The following NFATC2 variants were observed in gnomAD, a reference collection of about 807,000 sequenced individuals.
The protein encoded by NFATC2 is nuclear factor of activated T-cells, cytoplasmic 2.
A neutral mutation model predicts 87.3 loss-of-function variants in NFATC2; 22 were observed. The ratio of observed to expected loss-of-function variants is 0.25; its 90% confidence interval spans 0.18 to 0.36. NFATC2 has a LOEUF of 0.36. Among genes scored for constraint, NFATC2 ranks in the 10% least tolerant of loss-of-function variants. The pLI, the probability that NFATC2 is intolerant of heterozygous loss-of-function variation, is 1.00. For synonymous variants in NFATC2, 565 were observed against 542.2 expected (o/e 1.04, Z -0.58); for missense variants, 1,149 against 1,259.1 (o/e 0.91, Z 1.32).
intron 9 of NFATC2, among the ~76,000 whole-genome samples, chr20:51,408,252 G>A (rs911281070): frequency 1.9e-4 from 29 of 152,256 alleles, no homozygotes; most frequent in South Asian, 1.2e-3. Flanking sequence ...GGTGGCTCAC[G>A]CCTGTAATCC....
chr20:51,522,257 A>G (rs1226940255), intron 2 of NFATC2, among the ~76,000 whole-genome samples: 1 of 136,952 alleles, frequency 7.3e-6, no homozygotes, highest in Non-Finnish European at 1.6e-5. Flanking sequence ...AACCAAGACC[A>G]CAAAGGTGCT....
At chr20:51,462,723 T>C (rs755598313) in intron 5 of NFATC2, among the ~76,000 whole-genome samples, 3 of 152,166 alleles carry the variant, frequency 2.0e-5, no homozygotes, top group Non-Finnish European at 4.4e-5. Flanking sequence ...GCGTGGCATC[T>C]CATCAGGACT....
chr20:51,503,360 T>C (rs2076122466), intron 3 of NFATC2, among the ~76,000 whole-genome samples: 1 of 152,162 alleles, frequency 6.6e-6, no homozygotes, highest in Non-Finnish European at 1.5e-5. Context: ...AGTAACATTC[T>C]CTCCAATTTG....
chr20:51,496,999 A>T (rs1028883612), intron 3 of NFATC2, among the ~76,000 whole-genome samples: 1 of 152,194 alleles, frequency 6.6e-6, no homozygotes, highest in Non-Finnish European at 1.5e-5. Context: ...AATCCACTCC[A>T]TTCTCCGCAG....
chr20:51,494,169 G>A (rs558182175), intron 3 of NFATC2, among the ~76,000 whole-genome samples: 1 of 151,890 alleles, frequency 6.6e-6, no homozygotes, highest in South Asian at 2.1e-4. Flanking sequence ...TTTTGAATGT[G>A]GACATGAGGA....
chr20:51,504,999 CTTTTTTTTTTTTTTT>C (rs34489487), intron 3 of NFATC2, among the ~76,000 whole-genome samples: 22 of 72,482 alleles, frequency 3.0e-4, no homozygotes, highest in East Asian at 1.1e-3. Flanking sequence ...TATCTAGTTC[CTTTTTTTTTTTTTTT>C]TTTTTTTTTT....
Position 51,516,940 on chromosome 20 carries a change from T to A in NFATC2, c.1176A>T (p.Ala392=). 1 of 1,611,626 alleles carries A rather than the reference T, an allele frequency of 6.2e-7. No individual in the cohort carries two copies. The stretch of plus-strand genomic sequence containing the variant: ...GCGGCCACTCAAGTGGAGGGAGGGA[T>A]GCAGTCACTGGGATGCTAAAGGAGA... ...AIPICSIPVT[A]SLPPLEWPLS... is the part of the protein sequence containing the mutation. Residue 392 remains alanine, a synonymous_variant, in exon 3 of 11, where the codon GCA becomes GCT. Coordinates refer to ENST00000371564, the MANE Select transcript of NFATC2 (RefSeq NM_012340.5).
chr20:51,513,927 A>G (rs2076311201), intron 3 of NFATC2, among the ~76,000 whole-genome samples: 1 of 152,236 alleles, frequency 6.6e-6, no homozygotes, highest in African/African-American at 2.4e-5. Context: ...AGAGACGTGG[A>G]TGATCAGATC....
chr20:51,504,999 CTTTTTTTTTTTTT>C (rs34489487), intron 3 of NFATC2, among the ~76,000 whole-genome samples: 24 of 72,504 alleles, frequency 3.3e-4, no homozygotes, highest in Admixed American at 5.9e-4. Context: ...TATCTAGTTC[CTTTTTTTTTTTTT>C]TTTTTTTTTT....
At position 51,436,554 on chromosome 20, in the gene NFATC2, A is replaced by C. The variant is rs189820754; in HGVS notation, c.1850-793T>G. On this transcript the variant is annotated intron_variant, in intron 6 of 10. Coordinates refer to ENST00000371564, the MANE Select transcript of NFATC2 (RefSeq NM_012340.5). ...TGAAACCCCGTCTCTACTAAAAATA[A>C]AAATACAAAAATTAGCCAGGTGTGG... Among the ~76,000 whole-genome samples the C allele has an allele frequency of 4.9e-3, 744 of 152,134 alleles. 5 individuals are homozygous for C. The highest frequency in any genetic ancestry group is 0.017 in the African/African-American group (707 of 41,508).
chr20:51,512,873 A>C (rs985075838), intron 3 of NFATC2, among the ~76,000 whole-genome samples: 7 of 152,198 alleles, frequency 4.6e-5, no homozygotes, highest in South Asian at 2.1e-4. Flanking sequence ...CGGCGGAAGC[A>C]TTCAGGCAAG....
intron 9 of NFATC2, among the ~76,000 whole-genome samples, chr20:51,406,889 C>T (rs1306781764): frequency 6.6e-6 from 1 of 152,196 alleles, no homozygotes. Context: ...TTGCTGGCCG[C>T]CTCGTCGGAA....
intron 9 of NFATC2, among the ~76,000 whole-genome samples, chr20:51,407,730 G>A (rs1029947076): frequency 2.6e-5 from 4 of 152,216 alleles, no homozygotes; most frequent in Non-Finnish European, 2.9e-5. Flanking sequence ...CCTGGCATTT[G>A]GAAGGCTTAT....
chr20:51,497,131 G>A (rs1055380006), intron 3 of NFATC2, among the ~76,000 whole-genome samples: 1 of 152,166 alleles, frequency 6.6e-6, no homozygotes, highest in African/African-American at 2.4e-5. Context: ...CTAGCACCCA[G>A]GTTACTAACA....
rs776427990 is a variant in NFATC2 at position 51,542,417 on chromosome 20, AGCTCGTCTTGGGGGCTGCCCCCAG to A, written c.59_82del (p.Pro20_Glu27del). ...ATAGTCGAAGAGGATGGAGAAGTCA[AGCTCGTCTTGGGGGCTGCCCCCAG>A]GCTCGTGGCCTGGGGCGTCCCCGCC... On this transcript the variant is annotated inframe_deletion, in exon 1 of 11. Coordinates refer to ENST00000371564, the MANE Select transcript of NFATC2 (RefSeq NM_012340.5). 1 of 1,604,756 alleles carries A rather than the reference AGCTCGTCTTGGGGGCTGCCCCCAG, an allele frequency of 6.2e-7. No homozygotes were observed.
chr20:51,512,383 T>C (rs1301486329), intron 3 of NFATC2, among the ~76,000 whole-genome samples: 1 of 152,012 alleles, frequency 6.6e-6, no homozygotes, highest in African/African-American at 2.4e-5. Flanking sequence ...ACTCAAACCA[T>C]CCTAGTCCAC....
At chr20:51,560,247 T>C (rs775051097) in intron 1 of NFATC2, among the ~76,000 whole-genome samples, 1 of 152,184 alleles carries the variant, frequency 6.6e-6, no homozygotes. Context: ...ATTTTACAGA[T>C]GAGAAAAGTG....
intron 3 of NFATC2, among the ~76,000 whole-genome samples, chr20:51,512,447 C>T (rs1246977596): frequency 1.3e-5 from 2 of 152,142 alleles, no homozygotes; most frequent in South Asian, 4.2e-4. Context: ...ATCTCACCAA[C>T]GTTGTATCAC....
chr20:51,508,314 C>T (rs1414816117), intron 3 of NFATC2, among the ~76,000 whole-genome samples: 2 of 152,132 alleles, frequency 1.3e-5, no homozygotes, highest in Non-Finnish European at 2.9e-5. Context: ...CCCCTCTCTC[C>T]ACCTCTCACC....
Sources: gnomAD v4.1 joint callset for allele counts (sites outside exome capture counted in the v4.1 genomes callset) on GRCh38, gnomAD v4.1.1 for gene constraint, MANE v1.5 for transcripts, NCBI Gene and HGNC (gene_info 2026-07-23, HGNC 2026-07-21) for gene names.